The following RBBP8 variants were observed in gnomAD, a reference collection of about 807,000 sequenced individuals.
The protein encoded by RBBP8 is RB binding protein 8, endonuclease, also known as DNA endonuclease RBBP8.
In RBBP8, 88 loss-of-function variants were observed where a neutral mutation model predicts 108.3. The ratio of observed to expected loss-of-function variants is 0.81; its 90% CI spans 0.68 to 0.97. The LOEUF (loss-of-function observed/expected upper bound fraction) is 0.97. Among genes scored for constraint, RBBP8 ranks in the 50% least tolerant of loss-of-function variants. The pLI is 0.00. For synonymous variants in RBBP8, 332 were observed against 348.2 expected, an observed-to-expected ratio of 0.95 and a Z score of 0.52; for missense variants, 1,023 against 1,049.0, an observed-to-expected ratio of 0.98 and a Z score of 0.34.
At chr18:22,951,771 A>G (rs1313233706) in intron 4 of RBBP8, among the ~76,000 whole-genome samples, 3 of 152,230 alleles carry the variant, frequency 2.0e-5, no homozygotes, top group African/African-American at 7.2e-5. Context: ...GGTTATATTT[A>G]CTAGAGTGAC....
intron 6 of RBBP8, among the ~76,000 whole-genome samples, chr18:22,977,014 A>T (rs796176727): frequency 8.5e-5 from 13 of 152,240 alleles, no homozygotes; most frequent in African/African-American, 3.1e-4. Context: ...AAATTACAGG[A>T]AAGAGTAATC....
At chr18:22,991,834 A>G (rs2144696050) in intron 10 of RBBP8, among the ~76,000 whole-genome samples, 1 of 152,324 alleles carries the variant, frequency 6.6e-6, no homozygotes, top group South Asian at 2.1e-4. Context: ...GCTTTTTAAA[A>G]GAGCTTTCAG....
At chr18:22,949,595 C>CT (rs2144488353) in intron 3 of RBBP8, 23 bp from the exon 4 acceptor site, 1 of 1,529,932 alleles carries the variant, frequency 6.5e-7, no homozygotes, top group East Asian at 2.3e-5. Flanking sequence ...ATCTGAAAAA[C>CT]TTATTTATTT....
At chr18:22,955,195 G>A (rs1353505570) in intron 4 of RBBP8, among the ~76,000 whole-genome samples, 2 of 151,938 alleles carry the variant, frequency 1.3e-5, no homozygotes, top group African/African-American at 2.4e-5. Context: ...ACATCCTCAG[G>A]TACATGGGCC....
chr18:22,936,851 G>C lies in RBBP8; in HGVS notation c.-1G>C. The C allele has an allele frequency of 5.6e-6, 9 of 1,614,102 alleles. No individual in the cohort carries two copies. The highest frequency in any genetic ancestry group is 7.6e-6 in the Non-Finnish European group (9 of 1,179,996). The stretch of plus-strand genomic sequence containing the variant: ...TAGAAGTGTGGAGCATATTAAGCAA[G>C]ATGAACATCTCGGGAAGCAGCTGTG... On this transcript the variant is annotated 5_prime_UTR_variant, in exon 2 of 19. Transcript: ENST00000327155.
intron 4 of RBBP8, among the ~76,000 whole-genome samples, chr18:22,963,222 G>GT (rs780310849): frequency 7.3e-5 from 11 of 150,024 alleles, no homozygotes; most frequent in Admixed American, 1.3e-4. Flanking sequence ...TGACTTAGGT[G>GT]TTTTTTTTTC....
intron 6 of RBBP8, chr18:22,977,895 T>A (rs1914603555): frequency 6.6e-6 from 1 of 152,166 alleles, no homozygotes; most frequent in African/African-American, 2.4e-5. Flanking sequence ...AGAGTAAATA[T>A]CCTCTGTTCA....
At chr18:22,999,157 C>A (rs182369882) in intron 14 of RBBP8, among the ~76,000 whole-genome samples, 1 of 152,274 alleles carries the variant, frequency 6.6e-6, no homozygotes, top group Non-Finnish European at 1.5e-5. Flanking sequence ...ATAATTTTGG[C>A]TAATAAAGTG....
chr18:23,000,217 T>C (rs1056335665), intron 14 of RBBP8, among the ~76,000 whole-genome samples: 3 of 152,156 alleles, frequency 2.0e-5, no homozygotes, highest in Admixed American at 6.5e-5. Context: ...GTGGTACTTA[T>C]ATAGAATAAT....
intron 4 of RBBP8, among the ~76,000 whole-genome samples, chr18:22,961,737 G>A (rs1913116204): frequency 6.6e-6 from 1 of 152,130 alleles, no homozygotes; most frequent in African/African-American, 2.4e-5. Context: ...TTCTTCCAGG[G>A]AAGCCAAAAG....
In RBBP8 at chr18:23,026,136, T is replaced by C. The variant is rs780600675; in HGVS notation, c.2597-7T>C. On this transcript the variant is annotated splice_polypyrimidine_tract_variant and splice_region_variant and intron_variant, in intron 18 of 18. Coordinates refer to ENST00000327155, the MANE Select transcript of RBBP8 (RefSeq NM_002894.3). ...ACAGTCTTCTAAGTTTATGATTTGT[T>C]TTTAAGGTTATATTAAGGAAGATCT... is the stretch of plus-strand genomic sequence containing the variant. 1.7e-5 allele frequency: 28 copies of C among 1,605,346 alleles called. No individual in the cohort carries two copies. The South Asian group carries it at 2.3e-4, about 13-fold the overall frequency.
At chr18:22,994,408 C>T (rs1405586350) in intron 12 of RBBP8, among the ~76,000 whole-genome samples, 5 of 148,118 alleles carry the variant, frequency 3.4e-5, no homozygotes, top group East Asian at 4.2e-4. Flanking sequence ...TTTGGGAGGC[C>T]GACGCTGGTG....
chr18:22,995,969 T>G (rs950249362), intron 12 of RBBP8, among the ~76,000 whole-genome samples: 9 of 152,212 alleles, frequency 5.9e-5, no homozygotes, highest in Admixed American at 2.0e-4. Context: ...CTGCCTGTTT[T>G]CCAAAGCAGC....
intron 2 of RBBP8, chr18:22,946,237 A>T: frequency 1.9e-6 from 1 of 537,274 alleles, no homozygotes; most frequent in Non-Finnish European, 3.2e-6. Flanking sequence ...GGAAAATGTT[A>T]TTCCATTTGA....
chr18:22,973,145 T>C (rs1233675106), intron 5 of RBBP8, among the ~76,000 whole-genome samples: 1 of 152,222 alleles, frequency 6.6e-6, no homozygotes, highest in African/African-American at 2.4e-5. Context: ...TTTACCCGTT[T>C]AGCAATTTGT....
At chr18:22,936,172 G>A (rs111238505) in intron 1 of RBBP8, among the ~76,000 whole-genome samples, 11,310 of 152,010 alleles carry the variant, frequency 0.074, 467 homozygotes, top group Middle Eastern at 0.12. Context: ...CACGATCTCC[G>A]CTCACTGCAA....
At chr18:22,925,464 CAA>C (rs1909758662) in intron 3 of RBBP8, among the ~76,000 whole-genome samples, 2 of 152,186 alleles carry the variant, frequency 1.3e-5, no homozygotes, top group South Asian at 2.1e-4. Flanking sequence ...ATATTTTAAA[CAA>C]AGTCTTTTTT....
At position 22,953,823 on chromosome 18, in the gene RBBP8, G is replaced by A. The variant is rs540882473; in HGVS notation, c.248+4110G>A. On this transcript the variant is annotated intron_variant, in intron 4 of 18. Transcript: ENST00000327155. ...TGAGATTGGGTAGTTTATAAAGAAA[G>A]GTGGTTTAGTTGACTCACAGTTCTG... Among the ~76,000 whole-genome samples, 9 of 152,062 alleles carry A rather than the reference G, an allele frequency of 5.9e-5. No homozygotes were observed. In the South Asian group the frequency reaches 1.5e-3, roughly 25 times the overall value.
intron 3 of RBBP8, among the ~76,000 whole-genome samples, chr18:22,948,948 C>G (rs1911795962): frequency 6.6e-6 from 1 of 152,064 alleles, no homozygotes; most frequent in Non-Finnish European, 1.5e-5. Context: ...GAAGAAGATT[C>G]TGGTTGTCTT....
Sources: gnomAD v4.1 joint callset for allele counts (sites outside exome capture counted in the v4.1 genomes callset) on GRCh38, gnomAD v4.1.1 for gene constraint, MANE v1.5 for transcripts, NCBI Gene and HGNC (gene_info 2026-07-23, HGNC 2026-07-21) for gene names.